The following MTHFD1L variants were observed in gnomAD, a reference collection of about 807,000 sequenced individuals.
MTHFD1L encodes the protein methylenetetrahydrofolate dehydrogenase (NADP+ dependent) 1 like.
In MTHFD1L, 81 loss-of-function variants were observed where a neutral mutation model predicts 119.5. The ratio of observed to expected loss-of-function variants is 0.68; its 90% confidence interval spans 0.57 to 0.82. The LOEUF is 0.82. Among genes scored for constraint, MTHFD1L ranks in the 40% least tolerant of loss-of-function variants. The probability of loss-of-function intolerance (pLI) is 0.00; values close to 1 mark genes in which losing one functional copy is unlikely to be tolerated. For missense variants in MTHFD1L, 1,125 were observed against 1,253.4 expected, an observed-to-expected ratio of 0.90 and a Z score of 1.55; for synonymous variants, 430 against 475.2, an observed-to-expected ratio of 0.90 and a Z score of 1.24.
At chr6:150,915,464 C>G (rs1458028997) in intron 8 of MTHFD1L, among the ~76,000 whole-genome samples, 1 of 152,180 alleles carries the variant, frequency 6.6e-6, no homozygotes, top group Non-Finnish European at 1.5e-5. Context: ...AGTGACTGAA[C>G]TATACCAGGA....
At chr6:151,022,090 C>CT (rs1441567566) in intron 24 of MTHFD1L, 2 of 470,732 alleles carry the variant, frequency 4.2e-6, no homozygotes, top group African/African-American at 4.0e-5. Flanking sequence ...ACGAAGACAG[C>CT]CTGGAGCCGC....
intron 19 of MTHFD1L, among the ~76,000 whole-genome samples, chr6:150,967,917 C>T (rs561289157): frequency 3.1e-4 from 47 of 152,192 alleles, no homozygotes; most frequent in African/African-American, 1.1e-3. Flanking sequence ...ATGATTTACC[C>T]ATGTTTCCAC....
chr6:151,077,848 G>A (rs1479683214), intron 26 of MTHFD1L, among the ~76,000 whole-genome samples: 2 of 151,862 alleles, frequency 1.3e-5, no homozygotes, highest in African/African-American at 4.8e-5. Context: ...CGGAGCACGA[G>A]GTCAGGAGAT....
chr6:151,040,737 C>T (rs894226707), intron 26 of MTHFD1L, among the ~76,000 whole-genome samples: 1 of 152,092 alleles, frequency 6.6e-6, no homozygotes, highest in African/African-American at 2.4e-5. Flanking sequence ...ATAAAAAACA[C>T]AATATAATTT....
intron 15 of MTHFD1L, among the ~76,000 whole-genome samples, chr6:150,948,292 C>T (rs1047368884): frequency 9.2e-5 from 14 of 151,946 alleles, no homozygotes; most frequent in Admixed American, 5.9e-4. Context: ...CAGGCGTGAG[C>T]CACCACGCCC....
intron 4 of MTHFD1L, among the ~76,000 whole-genome samples, chr6:150,879,645 T>TTC (rs34913949): frequency 1.7e-4 from 25 of 148,574 alleles, no homozygotes; most frequent in African/African-American, 6.0e-4. Context: ...TTTTTTTTTT[T>TTC]CTGAGACGGA....
At chr6:151,069,243 CTCTCTCTT>C (rs1279503555) in intron 26 of MTHFD1L, among the ~76,000 whole-genome samples, 6 of 116,788 alleles carry the variant, frequency 5.1e-5, no homozygotes, top group Non-Finnish European at 9.0e-5. Flanking sequence ...AAACTATCTT[CTCTCTCTT>C]TCTCTCTCTC....
intron 20 of MTHFD1L, among the ~76,000 whole-genome samples, chr6:150,979,529 C>T (rs1777122378): frequency 6.6e-6 from 1 of 152,004 alleles, no homozygotes; most frequent in South Asian, 2.1e-4. Flanking sequence ...GAGACGGAGT[C>T]TCACTCTGTC....
chr6:151,001,517 C>T (rs1780616149), intron 20 of MTHFD1L, among the ~76,000 whole-genome samples: 1 of 152,156 alleles, frequency 6.6e-6, no homozygotes, highest in African/African-American at 2.4e-5. Context: ...GTGCTGACAA[C>T]AGAAAGTAAA....
At chr6:151,083,812 G>A (rs1310598437) in intron 26 of MTHFD1L, among the ~76,000 whole-genome samples, 2 of 152,166 alleles carry the variant, frequency 1.3e-5, no homozygotes, top group Non-Finnish European at 2.9e-5. Flanking sequence ...GGCCATGAAA[G>A]AGTAGCAAGC....
chr6:151,046,201 A>G (rs1006604878), intron 26 of MTHFD1L, among the ~76,000 whole-genome samples: 1 of 151,888 alleles, frequency 6.6e-6, no homozygotes, highest in Non-Finnish European at 1.5e-5. Flanking sequence ...GTTGCCAGGT[A>G]CTATACCACT....
intron 26 of MTHFD1L, among the ~76,000 whole-genome samples, chr6:151,069,911 G>C (rs774775603): frequency 1.3e-5 from 2 of 152,206 alleles, no homozygotes; most frequent in Non-Finnish European, 2.9e-5. Context: ...TCAGCACACA[G>C]TAAAACACTA....
chr6:150,935,044 G>T, intron 11 of MTHFD1L: 1 of 1,613,552 alleles, frequency 6.2e-7, no homozygotes, highest in Non-Finnish European at 8.5e-7. Flanking sequence ...TTGTTATTCT[G>T]GGTTTGGACT....
chr6:150,980,491 A>T (rs1777295063), intron 20 of MTHFD1L, among the ~76,000 whole-genome samples: 3 of 152,194 alleles, frequency 2.0e-5, no homozygotes, highest in Admixed American at 2.0e-4. Flanking sequence ...AAAGTATGCA[A>T]AGTAATGTTA....
At chr6:150,991,808 G>A (rs1779099999) in intron 20 of MTHFD1L, among the ~76,000 whole-genome samples, 1 of 152,178 alleles carries the variant, frequency 6.6e-6, no homozygotes. Flanking sequence ...TTGCCAGTGA[G>A]GAGAAATTGA....
chr6:150,936,719 C>G lies in MTHFD1L; in HGVS notation c.1257-85C>G, dbSNP rs187529183. On this transcript the variant is annotated intron_variant, in intron 11 of 27. Transcript: ENST00000367321. ...GAGTGCATTTTGAAATGAGCACCCT[C>G]AGATTTGATTCTGGTGTCTTCGGCT... 1.1e-4 allele frequency: 162 copies of G among 1,489,910 alleles called. 2 individuals are homozygous for G. The East Asian group carries it at 3.5e-3, about 33-fold the overall frequency. 92.3% of individuals were successfully genotyped at this position (1,489,910 alleles called of 1,614,324 possible).
chr6:150,884,030 G>T (rs1043246264), intron 5 of MTHFD1L, among the ~76,000 whole-genome samples: 1 of 152,074 alleles, frequency 6.6e-6, no homozygotes, highest in Non-Finnish European at 1.5e-5. Flanking sequence ...TCCTGGCTGG[G>T]CACAGTGGCT....
chr6:150,942,089 T>G (rs1793222478), intron 13 of MTHFD1L, among the ~76,000 whole-genome samples: 1 of 151,808 alleles, frequency 6.6e-6, no homozygotes, highest in African/African-American at 2.4e-5. Flanking sequence ...GGAAACCCTG[T>G]CTCTACTAAA....
intron 26 of MTHFD1L, among the ~76,000 whole-genome samples, chr6:151,044,649 T>G (rs1787685033): frequency 6.6e-6 from 1 of 152,062 alleles, no homozygotes; most frequent in African/African-American, 2.4e-5. Flanking sequence ...GCTGTACCTA[T>G]CTCATGGTGG....
Sources: gnomAD v4.1 joint callset for allele counts (sites outside exome capture counted in the v4.1 genomes callset) on GRCh38, gnomAD v4.1.1 for gene constraint, MANE v1.5 for transcripts, NCBI Gene and HGNC (gene_info 2026-07-23, HGNC 2026-07-21) for gene names.